The following ELAC2 variants were observed in gnomAD, a reference collection of about 807,000 sequenced individuals.
ELAC2 encodes elaC ribonuclease Z 2, also known as zinc phosphodiesterase ELAC protein 2.
In ELAC2, 92 loss-of-function variants were observed where a neutral mutation model predicts 105.2. The observed-to-expected ratio is 0.87, with a 90% CI of 0.74 to 1.04. The LOEUF (loss-of-function observed/expected upper bound fraction) is 1.04. Among genes scored for constraint, ELAC2 ranks in the 50% least tolerant of loss-of-function variants. The probability of loss-of-function intolerance (pLI) is 0.00; values close to 1 mark genes in which losing one functional copy is unlikely to be tolerated. For synonymous variants in ELAC2, 468 were observed against 409.1 expected (o/e 1.14, Z -1.74); for missense variants, 1,099 against 1,071.7 (o/e 1.03, Z -0.36).
chr17:12,993,792 G>A lies in ELAC2; in HGVS notation c.2148C>T (p.Asn716=), dbSNP rs759078534. Residue 716 remains asparagine (N), a synonymous_variant, in exon 23 of 24, where the codon AAC becomes AAT. Transcript: ENST00000338034. Reference sequence around the variant, plus strand: ...AGTGGTTCAGCATAATGAACTCCGCGTTCATCCGCATCCCCACGCTGATGG... The same window carrying A: ...AGTGGTTCAGCATAATGAACTCCGCATTCATCCGCATCCCCACGCTGATGG... ...SQAISVGMRM[N]AEFIMLNHFS... is the part of the protein sequence containing the mutation. The A allele has an allele frequency of 1.3e-5, 21 of 1,614,070 alleles. No individual in the cohort carries two copies. The highest frequency in any genetic ancestry group is 1.6e-4 in the Middle Eastern group (1 of 6,084).
rs954696311 is a variant in ELAC2 at position 13,017,997 on chromosome 17, G to A, written c.-50C>T. The A allele has an allele frequency of 1.3e-6, 2 of 1,533,740 alleles. No individual in the cohort carries two copies. Among genetic ancestry groups the A allele is most frequent in the Non-Finnish European group, 1.7e-6 (2 of 1,146,534 alleles). On this transcript the variant is annotated 5_prime_UTR_variant, in exon 1 of 24. In the 5' UTR this introduces an upstream ATG that the reference lacks. Coordinates refer to ENST00000338034, the MANE Select transcript of ELAC2 (RefSeq NM_018127.7). ...AAAGCCGCCGGTCACCTACGCCCGC[G>A]TTTCCCGTGCACCACCTAGCCGCTC...
rs1598181618 is a variant in ELAC2, at chr17:12,991,642, G to C, written c.*1176C>G. 1 of 192,272 alleles carries C rather than the reference G, an allele frequency of 5.2e-6. No homozygotes were observed. Among genetic ancestry groups the C allele is most frequent in the East Asian group, 8.2e-5 (1 of 12,190 alleles). The allele number at this position is 192,272 out of a possible 1,614,324, so 11.9% of individuals were successfully genotyped here. Reference sequence around the variant, plus strand: ...TTATTAAAATAGATTTATTATCCCTGAGCTTGGCATCTGTTCTTGCTTTAA... The same window carrying C: ...TTATTAAAATAGATTTATTATCCCTCAGCTTGGCATCTGTTCTTGCTTTAA... On this transcript the variant is annotated 3_prime_UTR_variant, in exon 24 of 24. Coordinates refer to ENST00000338034, the MANE Select transcript of ELAC2 (RefSeq NM_018127.7).
rs368138149 is a variant in ELAC2, at chr17:12,995,098, C to T, written c.1809-36G>A. 9.1e-5 allele frequency: 147 copies of T among 1,606,770 alleles called. No individual in the cohort carries two copies. The Middle Eastern group carries it at 9.9e-4, about 11-fold the overall frequency. Reference sequence around the variant, plus strand: ...ACAAAACATTTAAAATGATAATAAACGTTTCTTGGACATCTGGAACCAAAG... The same window carrying T: ...ACAAAACATTTAAAATGATAATAAATGTTTCTTGGACATCTGGAACCAAAG... On this transcript the variant is annotated intron_variant, in intron 19 of 23. Transcript: ENST00000338034.
In ELAC2 at chr17:13,013,211, T is replaced by A. The variant is rs751585616; in HGVS notation, c.555A>T (p.Ile185=). The change falls in exon 6 of 24, where the codon ATA becomes ATT. Residue 185 remains isoleucine (I), a synonymous_variant. Transcript: ENST00000338034. ...AAACCTGGCTTTCATACTCACTGTG[T>A]ATGGGGATCTGGTAAACTGTCATGG... ...DETMTVYQIP[I]HSEQRRGKHQ... 3.1e-6 allele frequency: 5 copies of A among 1,614,198 alleles called. No homozygotes were observed. The Middle Eastern group carries it at 4.9e-4, about 160-fold the overall frequency.
intron 15 of ELAC2, among the ~76,000 whole-genome samples, chr17:12,999,005 AAC>A (rs1020816455): frequency 6.6e-6 from 1 of 152,120 alleles, no homozygotes; most frequent in African/African-American, 2.4e-5. Flanking sequence ...ATAATAACAA[AAC>A]ACAGACTAAG....
rs58700278 is a variant in ELAC2 at position 13,003,811 on chromosome 17, A to G, written c.984-237T>C. 3,484 of 553,164 alleles carry G rather than the reference A, an allele frequency of 6.3e-3. 85 individuals carry two copies. Among genetic ancestry groups the G allele is most frequent in the African/African-American group, 0.058 (3,092 of 52,908 alleles). The allele number at this position is 553,164 out of a possible 1,614,324, so 34.3% of individuals were successfully genotyped here. A position where few individuals can be genotyped will look rare whatever the true frequency, so the allele number is the denominator to read the frequency against. On this transcript the variant is annotated intron_variant, in intron 11 of 23. Coordinates refer to ENST00000338034, the MANE Select transcript of ELAC2 (RefSeq NM_018127.7). ...CAAGCTCTGCTCTGGGCTTTCCAGT[A>G]GGCCTGGCTGATCCTTTCTCAGCAC...
chr17:12,997,237 T>C (rs2040521808), intron 16 of ELAC2, among the ~76,000 whole-genome samples: 1 of 152,116 alleles, frequency 6.6e-6, no homozygotes. Context: ...TCTGACTTGG[T>C]TTTAGGCAGG....
rs113628680 is a variant in ELAC2, at chr17:13,016,855, T to C, written c.367+7A>G. On this transcript the variant is annotated splice_region_variant and intron_variant, in intron 3 of 23. Transcript: ENST00000338034. ...CCAGCCTCTGACACTGCAAAGAATA[T>C]ACTCACCACTTAAGCCCCCAACATT... The C allele has an allele frequency of 4.3e-5, 69 of 1,612,388 alleles. No homozygotes were observed. The African/African-American group carries it at 8.5e-4, about 20-fold the overall frequency.
intron 4 of ELAC2, among the ~76,000 whole-genome samples, chr17:13,015,274 T>C (rs2041655792): frequency 6.6e-6 from 1 of 152,170 alleles, no homozygotes; most frequent in Non-Finnish European, 1.5e-5. Flanking sequence ...ATTTCAAACG[T>C]TATTTTGGGG....
Position 13,016,858 on chromosome 17 carries a change from T to C in ELAC2, c.367+4A>G. ...GCCTCTGACACTGCAAAGAATATAC[T>C]CACCACTTAAGCCCCCAACATTAGA... On this transcript the variant is annotated splice_donor_region_variant and intron_variant, in intron 3 of 23. Transcript: ENST00000338034. The C allele has an allele frequency of 1.2e-6, 2 of 1,610,094 alleles. No homozygotes were observed. Among genetic ancestry groups the C allele is most frequent in the Non-Finnish European group, 1.7e-6 (2 of 1,177,876 alleles).
chr17:12,998,303 G>T, intron 16 of ELAC2, 109 bp downstream of exon 16: 1 of 1,068,666 alleles, frequency 9.4e-7, no homozygotes, highest in Non-Finnish European at 1.4e-6. Context: ...CATGACAAGT[G>T]ACAGGGCTTG....
At chr17:13,014,594 A>G in intron 4 of ELAC2, 98 bp from the exon 5 acceptor site, 1 of 882,062 alleles carries the variant, frequency 1.1e-6, no homozygotes, top group Non-Finnish European at 1.9e-6. Context: ...TATCAACATA[A>G]AACAAAGCTT....
At chr17:13,014,358 T>G in intron 5 of ELAC2, 81 bp downstream of exon 5, 5 of 1,121,208 alleles carry the variant, frequency 4.5e-6, no homozygotes, top group Non-Finnish European at 6.8e-6. Context: ...GATGTTGATG[T>G]TTTTAATGGA....
chr17:13,003,584 A>G lies in ELAC2; in HGVS notation c.984-10T>C, dbSNP rs1438495253. 4.3e-6 allele frequency: 7 copies of G among 1,612,748 alleles called. No individual in the cohort carries two copies. The highest frequency in any genetic ancestry group is 1.3e-5 in the African/African-American group (1 of 75,000). On this transcript the variant is annotated splice_polypyrimidine_tract_variant and intron_variant, in intron 11 of 23. Transcript: ENST00000338034. ...TGCCTTTCCTTGGTACCTGGGCAGA[A>G]GAGTGGGGCTTTACAAAGTGATGCA...
At position 13,016,759 on chromosome 17, in the gene ELAC2, A is replaced by AG. The variant is rs1237848605; in HGVS notation, c.367+102_367+103insC. 8.6e-6 allele frequency: 10 copies of AG among 1,167,550 alleles called. No individual in the cohort carries two copies. In the East Asian group the frequency reaches 1.8e-4, roughly 21 times the overall value. The allele number at this position is 1,167,550 out of a possible 1,614,324, so 72.3% of individuals were successfully genotyped here. ...CACGCCACTGACAAAAAAAAAAAAAAAAAAAAAAGTAGCTGCCCACCCCAG... is the reference window on the plus strand; with the variant it reads ...CACGCCACTGACAAAAAAAAAAAAAAGAAAAAAAAGTAGCTGCCCACCCCAG... On this transcript the variant is annotated intron_variant, in intron 3 of 23. Coordinates refer to ENST00000338034, the MANE Select transcript of ELAC2 (RefSeq NM_018127.7).
At chr17:13,017,680 C>G (rs758661714) in intron 1 of ELAC2, 23 bp downstream of exon 1, 1 of 1,613,334 alleles carries the variant, frequency 6.2e-7, no homozygotes, top group Non-Finnish European at 8.5e-7. Flanking sequence ...CCCAGCGGGA[C>G]GGGGCGTGGC....
rs996626765 is a variant in ELAC2 at position 13,016,934 on chromosome 17, T to G, written c.297-2A>C. On this transcript the variant is annotated splice_acceptor_variant, in intron 2 of 23. Transcript: ENST00000338034. LOFTEE classifies it high-confidence loss of function. ...TTGTCCAGGCGAGCAACCTTTAACC[T>G]AAGAATGAAAAAACATTTAAACAGG... 6 of 1,613,866 alleles carry G rather than the reference T, an allele frequency of 3.7e-6. No individual in the cohort carries two copies. Among genetic ancestry groups the G allele is most frequent in the Non-Finnish European group, 5.1e-6 (6 of 1,179,934 alleles).
At chr17:13,000,599 G>A (rs891261821) in intron 14 of ELAC2, 4 of 389,962 alleles carry the variant, frequency 1.0e-5, no homozygotes, top group Non-Finnish European at 2.0e-5. Flanking sequence ...CCTAGGCTGT[G>A]ACAACCAAGA....
At chr17:13,003,639 G>A (rs1039733995) in intron 11 of ELAC2, 65 bp from the exon 12 acceptor site, 12 of 1,460,102 alleles carry the variant, frequency 8.2e-6, no homozygotes, top group South Asian at 2.3e-5. Context: ...CAGGGACCAC[G>A]CAGCCAGGGA....
Sources: gnomAD v4.1 joint callset for allele counts (sites outside exome capture counted in the v4.1 genomes callset) on GRCh38, gnomAD v4.1.1 for gene constraint, MANE v1.5 for transcripts, NCBI Gene and HGNC (gene_info 2026-07-23, HGNC 2026-07-21) for gene names.